Variants in PRDM16 observed in about 807,000 individuals in gnomAD.
PRDM16 encodes the protein histone-lysine N-methyltransferase PRDM16.
PRDM16 carries 23 observed loss-of-function variants against 110.6 expected under a neutral mutation model. The ratio of observed to expected loss-of-function variants is 0.21; its 90% confidence interval spans 0.15 to 0.29. The LOEUF (loss-of-function observed/expected upper bound fraction) is 0.29, where lower values mean the gene tolerates loss of function less well. Ranked by LOEUF, PRDM16 falls within the 10% of genes least tolerant of loss-of-function variation. The pLI is 1.00. For missense variants in PRDM16, 1,615 were observed against 1,794.3 expected (o/e 0.90, Z 1.81); for synonymous variants, 799 against 781.8 (o/e 1.02, Z -0.37).
At chr1:3,294,746 C>T (rs1180997352) in intron 3 of PRDM16, among the ~76,000 whole-genome samples, 2 of 152,190 alleles carry the variant, frequency 1.3e-5, no homozygotes, top group Admixed American at 6.5e-5. Flanking sequence ...GAAAAGCCCA[C>T]GAGAGACTCA....
At chr1:3,423,479 A>G (rs1638499668) in intron 12 of PRDM16, among the ~76,000 whole-genome samples, 1 of 152,098 alleles carries the variant, frequency 6.6e-6, no homozygotes, top group Non-Finnish European at 1.5e-5. Flanking sequence ...CCTCCTGTAC[A>G]GGGCAGCACC....
intron 14 of PRDM16, among the ~76,000 whole-genome samples, chr1:3,430,646 G>A (rs539389824): frequency 1.4e-4 from 21 of 152,314 alleles, no homozygotes; most frequent in African/African-American, 4.1e-4. Context: ...TGCCCCCACC[G>A]CCCCGAGCGC....
At chr1:3,241,101 T>A (rs1193724904) in intron 2 of PRDM16, among the ~76,000 whole-genome samples, 1 of 152,174 alleles carries the variant, frequency 6.6e-6, no homozygotes, top group African/African-American at 2.4e-5. Context: ...GTCCCGCCAT[T>A]TTTCCAGCCG....
intron 1 of PRDM16, among the ~76,000 whole-genome samples, chr1:3,166,809 G>A (rs1267793229): frequency 4.6e-5 from 7 of 152,166 alleles, no homozygotes; most frequent in Non-Finnish European, 8.8e-5. Context: ...GGTTCTCACC[G>A]GTAAACTGGA....
chr1:3,427,941 C>T (rs886259740), intron 14 of PRDM16, among the ~76,000 whole-genome samples: 2 of 152,188 alleles, frequency 1.3e-5, no homozygotes, highest in African/African-American at 2.4e-5. Flanking sequence ...CCTGCAGCTG[C>T]GTGTCAGACC....
At chr1:3,420,322 G>A (rs956520034) in intron 12 of PRDM16, among the ~76,000 whole-genome samples, 4 of 152,332 alleles carry the variant, frequency 2.6e-5, no homozygotes, top group Middle Eastern at 3.4e-3. Context: ...AATTGGAGGA[G>A]GGAAAGTGCC....
chr1:3,178,674 C>T (rs1040891630), intron 1 of PRDM16, among the ~76,000 whole-genome samples: 3 of 152,186 alleles, frequency 2.0e-5, no homozygotes, highest in Non-Finnish European at 4.4e-5. Context: ...ACCCTTGTCA[C>T]TCAGCACTTC....
In PRDM16 at chr1:3,412,643, A is replaced by G. The variant is rs1464206016; in HGVS notation, c.2446A>G (p.Asn816Asp). 6.4e-7 allele frequency: 1 copy of G among 1,560,090 alleles called. No individual in the cohort carries two copies. Among genetic ancestry groups the G allele is most frequent in the African/African-American group, 1.4e-5 (1 of 72,906 alleles). The change falls in exon 9 of 17, where the codon AAC becomes GAC. Residue 816 changes from asparagine to aspartate, a missense_variant. Coordinates refer to ENST00000270722, the MANE Select transcript of PRDM16 (RefSeq NM_022114.4). Reference protein sequence around the residue: ...SIGSRARASQNGGGREPRKNH... With the variant: ...SIGSRARASQDGGGREPRKNH... Reference sequence around the variant, plus strand: ...CGGCAGCCGGGCCCGTGCCAGCCAAAACGGCGGCGGGCGGGAGCCCCGCAA... The same window carrying G: ...CGGCAGCCGGGCCCGTGCCAGCCAAGACGGCGGCGGGCGGGAGCCCCGCAA...
chr1:3,378,162 G>T (rs1260518527), intron 3 of PRDM16, among the ~76,000 whole-genome samples: 1 of 152,206 alleles, frequency 6.6e-6, no homozygotes. Flanking sequence ...GCACATGGCT[G>T]CGACCTTGGA....
chr1:3,169,524 C>T (rs1389523744), intron 1 of PRDM16, among the ~76,000 whole-genome samples: 1 of 152,214 alleles, frequency 6.6e-6, no homozygotes, highest in East Asian at 1.9e-4. Flanking sequence ...TTCTCTGTGC[C>T]TCAGTTTCCT....
chr1:3,342,810 A>G lies in PRDM16; in HGVS notation c.439-42342A>G, dbSNP rs143844519. ...GTCTGAGGGCTATCTATGCCACTGC[A>G]CTTGTCAGCTGCGTGTTCTTTTATT... On this transcript the variant is annotated intron_variant, in intron 3 of 16. Coordinates refer to ENST00000270722, the MANE Select transcript of PRDM16 (RefSeq NM_022114.4). Among the ~76,000 whole-genome samples, 158 of 152,334 alleles carry G rather than the reference A, an allele frequency of 1.0e-3. 1 individual carries two copies. The highest frequency in any genetic ancestry group is 3.7e-3 in the African/African-American group (154 of 41,574).
At chr1:3,145,899 G>T (rs116601578) in intron 1 of PRDM16, among the ~76,000 whole-genome samples, 1 of 152,136 alleles carries the variant, frequency 6.6e-6, no homozygotes, top group African/African-American at 2.4e-5. Flanking sequence ...CGGTCAGCCC[G>T]GGGTCAGGCT....
chr1:3,212,244 C>T (rs974598565), intron 2 of PRDM16, among the ~76,000 whole-genome samples: 17 of 152,290 alleles, frequency 1.1e-4, no homozygotes, highest in African/African-American at 2.4e-4. Context: ...CCTCCTCTCC[C>T]GTTCCCTTTT....
At chr1:3,375,445 G>A (rs983748078) in intron 3 of PRDM16, among the ~76,000 whole-genome samples, 2 of 152,226 alleles carry the variant, frequency 1.3e-5, no homozygotes, top group African/African-American at 2.4e-5. Flanking sequence ...TATTTCTGAC[G>A]GTCAGGGCTG....
intron 1 of PRDM16, among the ~76,000 whole-genome samples, chr1:3,091,607 C>T (rs895773007): frequency 6.6e-6 from 1 of 152,224 alleles, no homozygotes; most frequent in Non-Finnish European, 1.5e-5. Flanking sequence ...CTGCGGAGGG[C>T]ACCTCTGCCC....
chr1:3,385,198 A>T lies in PRDM16; in HGVS notation c.485A>T (p.Gln162Leu), dbSNP rs757661858. 2 of 1,613,742 alleles carry T rather than the reference A, an allele frequency of 1.2e-6. No homozygotes were observed. The highest frequency in any genetic ancestry group is 1.7e-6 in the Non-Finnish European group (2 of 1,180,022). ...GSEKFCVDAN[Q>L]AGAGSWLKYI... ...GAGAAGTTCTGCGTGGATGCAAATCAGGCGGGGGCTGGCAGCTGGCTCAAG... is the reference window on the plus strand; with the variant it reads ...GAGAAGTTCTGCGTGGATGCAAATCTGGCGGGGGCTGGCAGCTGGCTCAAG... Residue 162 changes from glutamine (Q) to leucine (L), a missense_variant, in exon 4 of 17, where the codon CAG becomes CTG. Physicochemically the swap from Gln to Leu is moderately radical, Grantham distance 113. Coordinates refer to ENST00000270722, the MANE Select transcript of PRDM16 (RefSeq NM_022114.4).
chr1:3,125,693 C>T (rs1643189809), intron 1 of PRDM16, among the ~76,000 whole-genome samples: 2 of 152,366 alleles, frequency 1.3e-5, no homozygotes, highest in Admixed American at 6.5e-5. Context: ...GGAGCTCAGC[C>T]GTGTTTGCTG....
Position 3,109,321 on chromosome 1 carries a change from G to T in PRDM16, c.37+40025G>T, listed in dbSNP as rs75725715. Among the ~76,000 whole-genome samples the T allele has an allele frequency of 7.6e-3, 1,164 of 152,162 alleles. 14 individuals carry two copies. Among genetic ancestry groups the T allele is most frequent in the African/African-American group, 0.025 (1,055 of 41,496 alleles). On this transcript the variant is annotated intron_variant, in intron 1 of 16. Coordinates refer to ENST00000270722, the MANE Select transcript of PRDM16 (RefSeq NM_022114.4). ...TGCCGTGGATTCTAGCTTGTATTCA[G>T]TATTATTATCATTATGATTACTTTA...
chr1:3,414,199 A>C (rs1413758650), intron 9 of PRDM16, among the ~76,000 whole-genome samples: 5 of 151,698 alleles, frequency 3.3e-5, no homozygotes, highest in Admixed American at 3.3e-4. Context: ...TTCAGAGAAA[A>C]CTCCAGCCGC....
Sources: gnomAD v4.1 joint callset for allele counts (sites outside exome capture counted in the v4.1 genomes callset) on GRCh38, gnomAD v4.1.1 for gene constraint, MANE v1.5 for transcripts, NCBI Gene and HGNC (gene_info 2026-07-23, HGNC 2026-07-21) for gene names.